The following GPR137B variants were observed in gnomAD, a reference collection of about 807,000 sequenced individuals.
GPR137B encodes the protein integral membrane protein GPR137B.
A neutral mutation model predicts 42.5 loss-of-function variants in GPR137B; 42 were observed. The ratio of observed to expected loss-of-function variants is 0.99; its 90% CI spans 0.77 to 1.28. The LOEUF is 1.28. Among genes scored for constraint, GPR137B ranks in the 50% most tolerant of loss-of-function variants. The pLI is 0.00. For missense variants in GPR137B, 487 were observed against 493.9 expected, an observed-to-expected ratio of 0.99 and a Z score of 0.13; for synonymous variants, 218 against 209.7, an observed-to-expected ratio of 1.04 and a Z score of -0.34.
chr1:236,183,303 C>T (rs963740283), intron 4 of GPR137B, among the ~76,000 whole-genome samples: 2 of 152,164 alleles, frequency 1.3e-5, no homozygotes, highest in African/African-American at 4.8e-5. Context: ...AGGGATGAGA[C>T]TAAGGGATAA....
intron 5 of GPR137B, among the ~76,000 whole-genome samples, chr1:236,196,557 A>G (rs1440455316): frequency 6.6e-6 from 1 of 152,176 alleles, no homozygotes; most frequent in Non-Finnish European, 1.5e-5. Flanking sequence ...TGGTGCACCC[A>G]TTACCTTAGC....
chr1:236,159,076 C>T (rs769487395), intron 1 of GPR137B, among the ~76,000 whole-genome samples: 5 of 151,982 alleles, frequency 3.3e-5, no homozygotes, highest in South Asian at 4.2e-4. Flanking sequence ...CTCAGGAGGC[C>T]GAGATGGGAG....
At chr1:236,151,907 T>A (rs537668040) in intron 1 of GPR137B, among the ~76,000 whole-genome samples, 3 of 152,124 alleles carry the variant, frequency 2.0e-5, no homozygotes, top group Non-Finnish European at 4.4e-5. Context: ...TCAGAGGTCA[T>A]GTTGTCCCAT....
chr1:236,174,284 A>C (rs778659185), intron 2 of GPR137B, among the ~76,000 whole-genome samples: 2 of 152,220 alleles, frequency 1.3e-5, no homozygotes, highest in Non-Finnish European at 2.9e-5. Flanking sequence ...AGGATTTGAT[A>C]GATAAAAATC....
intron 1 of GPR137B, 61 bp downstream of exon 1, chr1:236,143,097 C>T: frequency 1.4e-6 from 2 of 1,469,686 alleles, no homozygotes; most frequent in Non-Finnish European, 1.8e-6. Flanking sequence ...GCGGGGCGCC[C>T]GAGGCAGGGG....
intron 1 of GPR137B, among the ~76,000 whole-genome samples, chr1:236,144,278 G>C (rs1273918170): frequency 6.6e-6 from 1 of 152,096 alleles, no homozygotes; most frequent in Admixed American, 6.6e-5. Context: ...AGCTGGGTGT[G>C]GTAGTGCCCG....
At position 236,150,233 on chromosome 1, in the gene GPR137B, ATGTC is replaced by A. The variant is rs1468126899; in HGVS notation, c.414+7201_414+7204del. Among the ~76,000 whole-genome samples, 1 of 87,690 alleles carries A rather than the reference ATGTC, an allele frequency of 1.1e-5. No individual in the cohort carries two copies. The highest frequency in any genetic ancestry group is 3.7e-4 in the East Asian group (1 of 2,702). 57.5% of individuals were successfully genotyped at this position (87,690 alleles called of 152,430 possible). ...TGTCTGTGCCTGTGTGTGCCTGTGT[ATGTC>A]TGTGCCCGTGTGTGTGCCTGTGTTT... On this transcript the variant is annotated intron_variant, in intron 1 of 6. Transcript: ENST00000366592. The surrounding 1 kb of genome is among the most constrained non-coding windows in gnomAD (Gnocchi z 6.2).
rs749041958 is a variant in GPR137B at position 236,205,244 on chromosome 1, A to G, written c.1085A>G (p.Gln362Arg). 6 of 1,612,768 alleles carry G rather than the reference A, an allele frequency of 3.7e-6. No individual in the cohort carries two copies. The highest frequency in any genetic ancestry group is 5.1e-6 in the Non-Finnish European group (6 of 1,179,020). Residue 362 changes from glutamine to arginine, a missense_variant, in exon 6 of 7, where the codon CAG (glutamine) becomes CGG (arginine). Coordinates refer to ENST00000366592, the MANE Select transcript of GPR137B (RefSeq NM_003272.4). ...LAWNIAPQGL[Q>R]GGFAPDYYDW... ...TGGAACATTGCCCCTCAGGGACTTC[A>G]GGGAGGGTAAGACCCTACTTCATGT...
chr1:236,177,772 T>G (rs1225414894), intron 2 of GPR137B, among the ~76,000 whole-genome samples: 1 of 151,894 alleles, frequency 6.6e-6, no homozygotes, highest in East Asian at 1.9e-4. Flanking sequence ...GCCAGGCTGG[T>G]CTTGAACTCC....
At chr1:236,187,244 T>C (rs1663059897) in intron 5 of GPR137B, among the ~76,000 whole-genome samples, 1 of 152,222 alleles carries the variant, frequency 6.6e-6, no homozygotes, top group Admixed American at 6.5e-5. Flanking sequence ...CTTTGTCAGA[T>C]GGATAGATTG....
At chr1:236,144,274 G>C (rs1197378265) in intron 1 of GPR137B, among the ~76,000 whole-genome samples, 1 of 152,146 alleles carries the variant, frequency 6.6e-6, no homozygotes, top group Non-Finnish European at 1.5e-5. Context: ...AATTAGCTGG[G>C]TGTGGTAGTG....
At chr1:236,188,783 TTTG>T (rs1663108318) in intron 5 of GPR137B, among the ~76,000 whole-genome samples, 1 of 152,192 alleles carries the variant, frequency 6.6e-6, no homozygotes, top group Admixed American at 6.5e-5. Context: ...AAATTTTCTT[TTTG>T]TTGTTGTGTC....
rs936849964 is a variant in GPR137B at position 236,155,986 on chromosome 1, C to T, written c.415-12720C>T. On this transcript the variant is annotated intron_variant, in intron 1 of 6. Transcript: ENST00000366592. The surrounding 1 kb of genome is among the most constrained non-coding windows in gnomAD (Gnocchi z 4.6). ...GCACACACATGCACACACACGCGCG[C>T]GCGCAAACACACATGCATACACCTG... 9.9e-5 allele frequency among the ~76,000 whole-genome samples: 15 copies of T among 152,170 alleles called. No individual in the cohort carries two copies. Among genetic ancestry groups the T allele is most frequent in the East Asian group, 3.9e-4 (2 of 5,188 alleles).
intron 5 of GPR137B, among the ~76,000 whole-genome samples, chr1:236,197,124 C>A (rs1371537619): frequency 6.6e-6 from 1 of 152,106 alleles, no homozygotes; most frequent in Middle Eastern, 3.2e-3. Context: ...GGTTTGCATT[C>A]CTCTGAGAAT....
At chr1:236,207,305 CAAG>C (rs1043778312) in intron 6 of GPR137B, 15 of 983,642 alleles carry the variant, frequency 1.5e-5, no homozygotes, top group Admixed American at 6.2e-5. Context: ...AGCCAACAAA[CAAG>C]AAGGACTTCT....
intron 1 of GPR137B, among the ~76,000 whole-genome samples, chr1:236,153,781 A>T (rs1371698001): frequency 6.6e-6 from 1 of 152,242 alleles, no homozygotes; most frequent in Non-Finnish European, 1.5e-5. Context: ...TCATTCCTTC[A>T]TCTCTGTGAG....
intron 5 of GPR137B, among the ~76,000 whole-genome samples, chr1:236,203,084 CTTTT>C (rs1026201209): frequency 2.0e-5 from 3 of 151,804 alleles, no homozygotes; most frequent in Non-Finnish European, 2.9e-5. Context: ...TTCTTTCTTT[CTTTT>C]TTGTTTTGAG....
rs182192997 is a variant in GPR137B, at chr1:236,190,586, T to C, written c.966+6680T>C. On this transcript the variant is annotated intron_variant, in intron 5 of 6. Coordinates refer to ENST00000366592, the MANE Select transcript of GPR137B (RefSeq NM_003272.4). ...TAATGGATTTTATTTCTCCTTTACTTATGAAGCTTAGTTTGGCTGGATATG... is the reference window on the plus strand; with the variant it reads ...TAATGGATTTTATTTCTCCTTTACTCATGAAGCTTAGTTTGGCTGGATATG... Among the ~76,000 whole-genome samples the C allele has an allele frequency of 7.4e-4, 113 of 152,310 alleles. 2 individuals are homozygous for C. Among genetic ancestry groups the C allele is most frequent in the Non-Finnish European group, 1.6e-4 (11 of 68,024 alleles).
intron 4 of GPR137B, among the ~76,000 whole-genome samples, chr1:236,180,498 G>C (rs1282499812): frequency 1.3e-5 from 2 of 152,096 alleles, no homozygotes; most frequent in Non-Finnish European, 2.9e-5. Context: ...TGTCAGATGG[G>C]ATCACAGCAC....
Sources: allele counts gnomAD v4.1 joint callset (sites outside exome capture counted in the v4.1 genomes callset), GRCh38; gene constraint gnomAD v4.1.1; non-coding constraint Gnocchi (gnomAD v3.1); transcripts MANE v1.5; gene names NCBI Gene and HGNC (gene_info 2026-07-23, HGNC 2026-07-21).